The following CELF1 variants were observed in gnomAD, a reference collection of about 807,000 sequenced individuals.
CELF1 encodes CUGBP Elav-like family member 1.
Under a neutral mutation model 61.8 loss-of-function variants are expected in CELF1, and 10 were observed. That is an observed-to-expected ratio of 0.16 (90% CI 0.10 to 0.27). The LOEUF (loss-of-function observed/expected upper bound fraction) is 0.27, where lower values mean the gene tolerates loss of function less well. CELF1 is among the 10% of genes least tolerant of loss of function. The pLI is 1.00. For missense variants in CELF1, 380 were observed against 639.1 expected, an observed-to-expected ratio of 0.59 and a Z score of 4.37; for synonymous variants, 236 against 225.1, an observed-to-expected ratio of 1.05 and a Z score of -0.43.
At chr11:47,478,822 A>C (rs2081396226) in intron 10 of CELF1, 55 bp downstream of exon 10, 1 of 1,389,002 alleles carries the variant, frequency 7.2e-7, no homozygotes, top group South Asian at 1.2e-5. Flanking sequence ...GACTGTTGTT[A>C]GCTGGGTCTG....
rs749204728 is a variant in CELF1, at chr11:47,472,198, C to A, written c.*32G>T. 1.1e-5 allele frequency: 18 copies of A among 1,610,610 alleles called. No homozygotes were observed. The Admixed American group carries it at 2.8e-4, about 25-fold the overall frequency. On this transcript the variant is annotated 3_prime_UTR_variant, in exon 15 of 15. Coordinates refer to ENST00000687097, the MANE Select transcript of CELF1 (RefSeq NM_001376376.1). ...TGCTCCTCCCCCACTTACCAGAAGA[C>A]CCTCTCACTCCAGTCTCAGAGGGGA...
intron 14 of CELF1, 121 bp downstream of exon 14, chr11:47,472,967 T>C: frequency 9.0e-7 from 1 of 1,109,752 alleles, no homozygotes; most frequent in South Asian, 1.7e-5. Context: ...CATAATGACC[T>C]GCCCATGGCC....
intron 1 of CELF1, among the ~76,000 whole-genome samples, chr11:47,537,060 A>C (rs2096646601): frequency 6.6e-6 from 1 of 152,112 alleles, no homozygotes; most frequent in Non-Finnish European, 1.5e-5. Context: ...TATTTGGAAA[A>C]GCATGTCTTG....
chr11:47,491,144 T>A (rs567080540), intron 3 of CELF1, among the ~76,000 whole-genome samples: 2 of 152,024 alleles, frequency 1.3e-5, no homozygotes, highest in East Asian at 3.9e-4. Flanking sequence ...ATTACAGGGA[T>A]GAGCCACCGT....
chr11:47,487,237 G>A lies in CELF1; in HGVS notation c.264C>T (p.Cys88=), dbSNP rs769404517. 2 of 1,609,110 alleles carry A rather than the reference G, an allele frequency of 1.2e-6. No individual in the cohort carries two copies. Among genetic ancestry groups the A allele is most frequent in the Admixed American group, 3.3e-5 (2 of 59,878 alleles). Residue 88 remains cysteine (C), a synonymous_variant, in exon 5 of 15, where the codon TGC becomes TGT. Coordinates refer to ENST00000687097, the MANE Select transcript of CELF1 (RefSeq NM_001376376.1). Reference sequence around the variant, plus strand: ...TACGGGTGTAAAATGTAACAAAACAGCACCCTGCAATAAATAAGATTTCAT... The same window carrying A: ...TACGGGTGTAAAATGTAACAAAACAACACCCTGCAATAAATAAGATTTCAT... The part of the protein sequence containing the change: ...RSQNPPQSKG[C]CFVTFYTRKA...
intron 1 of CELF1, among the ~76,000 whole-genome samples, chr11:47,535,474 T>C (rs1361939967): frequency 6.6e-6 from 1 of 151,552 alleles, no homozygotes; most frequent in African/African-American, 2.4e-5. Flanking sequence ...AGTTCAGGAG[T>C]TCGAGACCAG....
chr11:47,481,565 A>C (rs2083267937), intron 9 of CELF1, among the ~76,000 whole-genome samples: 1 of 152,200 alleles, frequency 6.6e-6, no homozygotes, highest in South Asian at 2.1e-4. Flanking sequence ...TGAGGAATAA[A>C]TGACTATACT....
chr11:47,475,781 TC>T (rs2079791882), intron 12 of CELF1, among the ~76,000 whole-genome samples: 1 of 152,136 alleles, frequency 6.6e-6, no homozygotes, highest in Non-Finnish European at 1.5e-5. Flanking sequence ...AATGAGAGCC[TC>T]CATTTTCTAT....
At position 47,472,101 on chromosome 11, in the gene CELF1, G is replaced by T; in HGVS notation, c.*129C>A. The T allele has an allele frequency of 9.3e-7, 1 of 1,073,722 alleles. No homozygotes were observed. The allele number at this position is 1,073,722 out of a possible 1,614,324, so 66.5% of individuals were successfully genotyped here. A position where few individuals can be genotyped will look rare whatever the true frequency, so the allele number is the denominator to read the frequency against. On this transcript the variant is annotated 3_prime_UTR_variant, in exon 15 of 15. Transcript: ENST00000687097. Reference sequence around the variant, plus strand: ...TAGCCGAGTCTTCAGGGCAAGCTGTGCCTGCGAGAGTGGCAGGGATCAGGG... The same window carrying T: ...TAGCCGAGTCTTCAGGGCAAGCTGTTCCTGCGAGAGTGGCAGGGATCAGGG...
intron 1 of CELF1, among the ~76,000 whole-genome samples, chr11:47,525,952 A>C (rs61895107): frequency 2.1e-5 from 3 of 139,590 alleles, no homozygotes; most frequent in Non-Finnish European, 4.7e-5. Context: ...AAAAAAAAAA[A>C]GGAAGAAAGA....
upstream of CELF1, among the ~76,000 whole-genome samples, chr11:47,554,626 T>G (rs571610146): frequency 3.8e-4 from 57 of 151,792 alleles, 1 homozygote; most frequent in Admixed American, 1.2e-3. Flanking sequence ...AATCCCACTT[T>G]CATTTTTATC....
chr11:47,472,699 C>T (rs962989291), intron 14 of CELF1, among the ~76,000 whole-genome samples: 1 of 152,100 alleles, frequency 6.6e-6, no homozygotes, highest in African/African-American at 2.4e-5. Context: ...AACACAGGTA[C>T]ACGCCACCAC....
upstream of CELF1, among the ~76,000 whole-genome samples, chr11:47,556,898 ATTTAT>A (rs1337062375): frequency 6.6e-6 from 1 of 151,940 alleles, no homozygotes. Flanking sequence ...TTATTTATTT[ATTTAT>A]TTATTATTTA....
chr11:47,551,030 G>A (rs1298532937), intron 1 of CELF1, among the ~76,000 whole-genome samples: 1 of 65,836 alleles, frequency 1.5e-5, no homozygotes, highest in Non-Finnish European at 3.0e-5. Context: ...TATTACTCGT[G>A]ATATTGTTTA....
chr11:47,539,255 C>G (rs983393448), intron 1 of CELF1, among the ~76,000 whole-genome samples: 1 of 152,138 alleles, frequency 6.6e-6, no homozygotes, highest in African/African-American at 2.4e-5. Context: ...TAATCTTGAT[C>G]TGGCAAAGCA....
chr11:47,486,840 T>C, intron 5 of CELF1, 42 bp from the exon 6 acceptor site: 2 of 1,460,410 alleles, frequency 1.4e-6, no homozygotes, highest in Non-Finnish European at 1.9e-6. Context: ...TATATATTGA[T>C]GGTATTCAAA....
intron 1 of CELF1, among the ~76,000 whole-genome samples, chr11:47,548,293 C>CCAGGTTA (rs2097033274): frequency 6.6e-6 from 1 of 150,878 alleles, no homozygotes; most frequent in East Asian, 1.9e-4. Flanking sequence ...AGTGAGACTC[C>CCAGGTTA]GTCTCAAAAA....
intron 1 of CELF1, among the ~76,000 whole-genome samples, chr11:47,550,321 A>G (rs2097104997): frequency 6.6e-6 from 1 of 151,830 alleles, no homozygotes; most frequent in African/African-American, 2.4e-5. Flanking sequence ...ACCTGAGGTC[A>G]GGAGTTCTAG....
intron 1 of CELF1, among the ~76,000 whole-genome samples, chr11:47,509,849 A>C (rs951313662): frequency 4.3e-4 from 65 of 151,816 alleles, no homozygotes; most frequent in African/African-American, 1.5e-3. Flanking sequence ...CAACACGGTG[A>C]AACCCTATCT....
Sources: allele counts gnomAD v4.1 joint callset (sites outside exome capture counted in the v4.1 genomes callset), GRCh38; gene constraint gnomAD v4.1.1; transcripts MANE v1.5; gene names NCBI Gene and HGNC (gene_info 2026-07-23, HGNC 2026-07-21).